Variants in SCN8A observed in about 807,000 individuals in gnomAD.
The protein encoded by SCN8A is sodium channel protein type 8 subunit alpha.
In SCN8A, 30 loss-of-function variants were observed where a neutral mutation model predicts 184.1. The observed-to-expected ratio is 0.16, with a 90% CI of 0.12 to 0.22. SCN8A has a LOEUF of 0.22. Among genes scored for constraint, SCN8A ranks in the 10% least tolerant of loss-of-function variants. SCN8A has a pLI of 1.00. For missense variants in SCN8A, 1,057 were observed against 2,498.9 expected, an observed-to-expected ratio of 0.42 and a Z score of 12.30; for synonymous variants, 852 against 907.0, an observed-to-expected ratio of 0.94 and a Z score of 1.09.
At chr12:51,792,865 C>T (rs568728876) in intron 25 of SCN8A, among the ~76,000 whole-genome samples, 2 of 152,282 alleles carry the variant, frequency 1.3e-5, no homozygotes, top group South Asian at 4.1e-4. Context: ...GCCTCAGCCT[C>T]CCGAGTAGCT....
chr12:51,739,903 C>G (rs1014438346), intron 12 of SCN8A, among the ~76,000 whole-genome samples: 18 of 152,158 alleles, frequency 1.2e-4, no homozygotes, highest in African/African-American at 4.3e-4. Flanking sequence ...AGAGATTTAC[C>G]CGCGTATTTA....
chr12:51,667,138 T>G (rs529555129), intron 2 of SCN8A, among the ~76,000 whole-genome samples: 1 of 152,334 alleles, frequency 6.6e-6, no homozygotes, highest in East Asian at 1.9e-4. Context: ...CAAAGGTACT[T>G]GGTAAATAAG....
chr12:51,691,669 G>A (rs563650862), intron 6 of SCN8A, among the ~76,000 whole-genome samples: 2 of 152,188 alleles, frequency 1.3e-5, no homozygotes, highest in Admixed American at 6.5e-5. Context: ...GGCTAACTGG[G>A]GTGGAAAATA....
At chr12:51,685,148 A>G (rs537249975) in intron 3 of SCN8A, among the ~76,000 whole-genome samples, 2 of 152,330 alleles carry the variant, frequency 1.3e-5, no homozygotes, top group Non-Finnish European at 2.9e-5. Context: ...TAGAAGCAAC[A>G]CACTTCTGAA....
chr12:51,680,727 C>T (rs935641837), intron 2 of SCN8A, among the ~76,000 whole-genome samples: 4 of 152,254 alleles, frequency 2.6e-5, no homozygotes, highest in Non-Finnish European at 4.4e-5. Context: ...TCCTGCCAGG[C>T]GCGGTGACTC....
At chr12:51,758,423 G>T (rs1942710706) in intron 14 of SCN8A, among the ~76,000 whole-genome samples, 1 of 152,078 alleles carries the variant, frequency 6.6e-6, no homozygotes. Flanking sequence ...TTTAATGTCT[G>T]GTTTGTTTGT....
intron 12 of SCN8A, among the ~76,000 whole-genome samples, chr12:51,731,413 G>A (rs947586163): frequency 6.6e-6 from 1 of 151,426 alleles, no homozygotes; most frequent in Non-Finnish European, 1.5e-5. Flanking sequence ...ACCACGCCCG[G>A]CTAATTTTTG....
chr12:51,636,961 T>C (rs1428395252), intron 1 of SCN8A, among the ~76,000 whole-genome samples: 2 of 152,244 alleles, frequency 1.3e-5, no homozygotes, highest in Non-Finnish European at 2.9e-5. Flanking sequence ...CAAACCTGCA[T>C]TGATTGAGCA....
Position 51,721,716 on chromosome 12 carries a change from C to T in SCN8A, c.1806C>T (p.Phe602=). The change falls in exon 12 of 27, where the codon TTC becomes TTT. Residue 602 remains phenylalanine, a synonymous_variant. Transcript: ENST00000627620. ...GCGAGGGCCGCCGGGACTCCCTCTT[C>T]ATCCCCATCCGGGCCCGCGAGCGCC... ...EESEGRRDSL[F]IPIRARERRS... The T allele has an allele frequency of 6.3e-7, 1 of 1,592,140 alleles. No individual in the cohort carries two copies. Among genetic ancestry groups the T allele is most frequent in the Non-Finnish European group, 8.6e-7 (1 of 1,169,486 alleles).
intron 11 of SCN8A, among the ~76,000 whole-genome samples, chr12:51,716,048 C>T (rs1028166289): frequency 1.8e-4 from 27 of 152,192 alleles, no homozygotes; most frequent in East Asian, 5.8e-4. Flanking sequence ...AAAAGTAGAG[C>T]GTAGGCTGGA....
chr12:51,717,947 G>T (rs918357589), intron 11 of SCN8A, among the ~76,000 whole-genome samples: 1 of 152,096 alleles, frequency 6.6e-6, no homozygotes, highest in Non-Finnish European at 1.5e-5. Flanking sequence ...AAGTTCGTGG[G>T]TTGCTTAAAG....
At position 51,637,674 on chromosome 12, in the gene SCN8A, G is replaced by T. The variant is rs1940349092; in HGVS notation, c.-54-25090G>T. ...AGGAGAAAAATTGGAAGCTAGCACAGGTTGGTTCAAGAGATTTAAGCAAAG... is the reference window on the plus strand; with the variant it reads ...AGGAGAAAAATTGGAAGCTAGCACATGTTGGTTCAAGAGATTTAAGCAAAG... On this transcript the variant is annotated intron_variant, in intron 1 of 26. Coordinates refer to ENST00000627620, the MANE Select transcript of SCN8A (RefSeq NM_001330260.2). Among the ~76,000 whole-genome samples, 5 of 152,292 alleles carry T rather than the reference G, an allele frequency of 3.3e-5. No homozygotes were observed. In the Middle Eastern group the frequency reaches 0.014, roughly 414 times the overall value.
chr12:51,793,197 A>G (rs1332335291), intron 25 of SCN8A, among the ~76,000 whole-genome samples: 1 of 152,212 alleles, frequency 6.6e-6, no homozygotes, highest in Non-Finnish European at 1.5e-5. Flanking sequence ...AGCCAATAAA[A>G]ATGGAATGAA....
chr12:51,648,650 C>A (rs544409694), intron 1 of SCN8A, among the ~76,000 whole-genome samples: 3 of 152,136 alleles, frequency 2.0e-5, no homozygotes, highest in Non-Finnish European at 4.4e-5. Context: ...CACTAGATCT[C>A]GTGAGACTTA....
chr12:51,640,081 G>GTT (rs374314744), intron 1 of SCN8A, among the ~76,000 whole-genome samples: 4 of 134,026 alleles, frequency 3.0e-5, no homozygotes, highest in African/African-American at 5.4e-5. Flanking sequence ...TTTTTTTTAA[G>GTT]TTTTTTTTTT....
chr12:51,660,469 C>A (rs1425442733), intron 1 of SCN8A, among the ~76,000 whole-genome samples: 1 of 152,170 alleles, frequency 6.6e-6, no homozygotes, highest in Non-Finnish European at 1.5e-5. Context: ...GCCAAGGAGT[C>A]TTCATGCATT....
intron 1 of SCN8A, among the ~76,000 whole-genome samples, chr12:51,654,771 C>G (rs1486706272): frequency 6.6e-6 from 1 of 152,150 alleles, no homozygotes; most frequent in African/African-American, 2.4e-5. Flanking sequence ...TTTGGCCTCC[C>G]AAAATGCTGA....
chr12:51,725,227 C>T (rs1160029616), intron 12 of SCN8A, among the ~76,000 whole-genome samples: 11 of 152,054 alleles, frequency 7.2e-5, no homozygotes, highest in Admixed American at 5.2e-4. Flanking sequence ...TAGTTGTTAA[C>T]GGTGTGGGAA....
intron 1 of SCN8A, among the ~76,000 whole-genome samples, chr12:51,625,862 C>T (rs899527632): frequency 2.0e-5 from 3 of 152,098 alleles, no homozygotes; most frequent in Non-Finnish European, 2.9e-5. Context: ...GGGTTGGGTT[C>T]TAGTTCTTTG....
Sources: allele counts gnomAD v4.1 joint callset (sites outside exome capture counted in the v4.1 genomes callset), GRCh38; gene constraint gnomAD v4.1.1; transcripts MANE v1.5; gene names NCBI Gene and HGNC (gene_info 2026-07-23, HGNC 2026-07-21).